The following TRPM3 variants were observed in gnomAD, a reference collection of about 807,000 sequenced individuals.
TRPM3 encodes transient receptor potential cation channel subfamily M member 3.
A neutral mutation model predicts 181.2 loss-of-function variants in TRPM3; 77 were observed. The ratio of observed to expected loss-of-function variants is 0.42; its 90% CI spans 0.35 to 0.51. The LOEUF (loss-of-function observed/expected upper bound fraction) is 0.51. Ranked by LOEUF, TRPM3 falls within the 20% of genes least tolerant of loss-of-function variation. The probability of loss-of-function intolerance (pLI) is 0.01; values close to 1 mark genes in which losing one functional copy is unlikely to be tolerated. For synonymous variants in TRPM3, 745 were observed against 796.4 expected (o/e 0.94, Z 1.09); for missense variants, 1,759 against 2,196.7 (o/e 0.80, Z 3.98).
intron 3 of TRPM3, among the ~76,000 whole-genome samples, chr9:70,854,135 T>C (rs979434569): frequency 6.6e-6 from 1 of 152,238 alleles, no homozygotes; most frequent in African/African-American, 2.4e-5. Context: ...GGAGCTATTT[T>C]GGTTGTCAAG....
chr9:71,288,128 G>T (rs2085457046), intron 1 of TRPM3, among the ~76,000 whole-genome samples: 1 of 151,402 alleles, frequency 6.6e-6, no homozygotes, highest in Admixed American at 6.6e-5. Context: ...TTAAAGTCAA[G>T]GTTTTCCCCA....
At chr9:70,957,958 G>A (rs759088666) in intron 1 of TRPM3, among the ~76,000 whole-genome samples, 5 of 152,144 alleles carry the variant, frequency 3.3e-5, no homozygotes, top group Admixed American at 6.5e-5. Flanking sequence ...CTGGACATAC[G>A]CTCTGAGTAC....
intron 1 of TRPM3, among the ~76,000 whole-genome samples, chr9:71,388,077 GATTTCTGTGCCACTGTCAGGA>G (rs1282700178): frequency 5.9e-5 from 9 of 152,072 alleles, no homozygotes; most frequent in Middle Eastern, 3.4e-3. Flanking sequence ...GTTAGTCAGG[GATTTCTGTGCCACTGTCAGGA>G]AGATCTTGGC....
intron 22 of TRPM3, among the ~76,000 whole-genome samples, chr9:70,561,864 T>C (rs1358012930): frequency 6.6e-6 from 1 of 152,226 alleles, no homozygotes; most frequent in Non-Finnish European, 1.5e-5. Flanking sequence ...TAGTAAGGGA[T>C]GACACTGTCA....
chr9:70,569,995 T>C (rs547379595), intron 22 of TRPM3, among the ~76,000 whole-genome samples: 71 of 152,332 alleles, frequency 4.7e-4, no homozygotes, highest in Non-Finnish European at 8.5e-4. Context: ...TCATGGGACT[T>C]GACTTCCTCT....
At chr9:71,107,472 T>C (rs2069946458) in intron 1 of TRPM3, among the ~76,000 whole-genome samples, 1 of 152,206 alleles carries the variant, frequency 6.6e-6, no homozygotes, top group Non-Finnish European at 1.5e-5. Context: ...GTTATATTGT[T>C]ATTTCCAATT....
intron 1 of TRPM3, among the ~76,000 whole-genome samples, chr9:71,308,501 GTTACCAT>G (rs2087601187): frequency 6.6e-6 from 1 of 152,092 alleles, no homozygotes; most frequent in African/African-American, 2.4e-5. Flanking sequence ...TTAATGATCA[GTTACCAT>G]TTCATTAAAA....
chr9:71,168,560 ATTTAT>A (rs2076661618), intron 1 of TRPM3, among the ~76,000 whole-genome samples: 1 of 32,204 alleles, frequency 3.1e-5, no homozygotes, highest in Non-Finnish European at 7.1e-5. Context: ...TTATTTATTT[ATTTAT>A]TTATTTATTT....
intron 7 of TRPM3, among the ~76,000 whole-genome samples, chr9:70,763,537 A>G (rs1181623346): frequency 6.6e-6 from 1 of 152,158 alleles, no homozygotes; most frequent in African/African-American, 2.4e-5. Flanking sequence ...GGATGGTTGA[A>G]AAAAATAATG....
rs112196480 is a variant in TRPM3, at chr9:70,958,065, T to G, written c.178-93554A>C. 2.0e-3 allele frequency among the ~76,000 whole-genome samples: 308 copies of G among 152,324 alleles called. 1 individual carries two copies. The highest frequency in any genetic ancestry group is 7.1e-3 in the African/African-American group (296 of 41,586). ...TTTGAGACAGGCACAGAAAGGAACA[T>G]GGGCTGACAAGAGATGGATGATCTA... On this transcript the variant is annotated intron_variant, in intron 1 of 25. Transcript: ENST00000677713.
At chr9:70,847,356 CT>C (rs2095014024) in intron 3 of TRPM3, among the ~76,000 whole-genome samples, 5 of 152,088 alleles carry the variant, frequency 3.3e-5, no homozygotes. Context: ...CAATTTCTAG[CT>C]GGAAACAACT....
At chr9:70,624,967 A>C (rs1345586050) in intron 14 of TRPM3, among the ~76,000 whole-genome samples, 1 of 152,242 alleles carries the variant, frequency 6.6e-6, no homozygotes, top group Admixed American at 6.5e-5. Flanking sequence ...TGAGGTTCTC[A>C]ACAATTTTTA....
chr9:71,109,775 G>A (rs1483937380), intron 1 of TRPM3, among the ~76,000 whole-genome samples: 1 of 152,036 alleles, frequency 6.6e-6, no homozygotes, highest in Non-Finnish European at 1.5e-5. Flanking sequence ...AAGGAGTTTG[G>A]AATTAGAAAA....
chr9:71,422,956 C>A (rs564822913), intron 1 of TRPM3, among the ~76,000 whole-genome samples: 1 of 152,050 alleles, frequency 6.6e-6, no homozygotes, highest in African/African-American at 2.4e-5. Context: ...CATATCACCA[C>A]ATCAAGATGC....
intron 1 of TRPM3, among the ~76,000 whole-genome samples, chr9:71,174,543 A>G (rs1011195280): frequency 1.4e-5 from 2 of 139,692 alleles, no homozygotes; most frequent in Non-Finnish European, 3.1e-5. Context: ...CTCCATCTCC[A>G]AAAAAAAAAG....
At chr9:70,756,312 C>A (rs2077065901) in intron 8 of TRPM3, among the ~76,000 whole-genome samples, 1 of 151,892 alleles carries the variant, frequency 6.6e-6, no homozygotes, top group Admixed American at 6.6e-5. Context: ...TATATATGCA[C>A]CCAATACAGG....
intron 1 of TRPM3, among the ~76,000 whole-genome samples, chr9:71,079,817 C>T (rs1288101199): frequency 6.6e-6 from 1 of 152,150 alleles, no homozygotes; most frequent in Non-Finnish European, 1.5e-5. Flanking sequence ...ACTTTCCGCA[C>T]TGCCCACATT....
At chr9:70,946,499 C>A (rs2096935085) in intron 1 of TRPM3, among the ~76,000 whole-genome samples, 1 of 151,732 alleles carries the variant, frequency 6.6e-6, no homozygotes, top group Non-Finnish European at 1.5e-5. Flanking sequence ...TAATTAAATG[C>A]ATTAATATTT....
At chr9:70,932,006 AG>A (rs1359090254) in intron 1 of TRPM3, among the ~76,000 whole-genome samples, 10 of 152,194 alleles carry the variant, frequency 6.6e-5, no homozygotes, top group African/African-American at 2.2e-4. Context: ...ACAGGACAAC[AG>A]CAGTGTGTGC....
Sources: gnomAD v4.1 joint callset for allele counts (sites outside exome capture counted in the v4.1 genomes callset) on GRCh38, gnomAD v4.1.1 for gene constraint, MANE v1.5 for transcripts, NCBI Gene and HGNC (gene_info 2026-07-23, HGNC 2026-07-21) for gene names.